EYS: variants seen among roughly 807,000 people sequenced by gnomAD.
EYS encodes EGF-like photoreceptor maintenance factor.
A neutral mutation model predicts 282.1 loss-of-function variants in EYS; 250 were observed. The ratio of observed to expected loss-of-function variants is 0.89; its 90% CI spans 0.80 to 0.98. EYS has a LOEUF of 0.98. EYS is among the 50% of genes least tolerant of loss of function. EYS has a pLI of 0.00. For synonymous variants in EYS, 1,355 were observed against 1,282.9 expected (o/e 1.06, Z -1.20); for missense variants, 4,016 against 3,709.0 (o/e 1.08, Z -2.15).
intron 12 of EYS, among the ~76,000 whole-genome samples, chr6:65,081,950 A>G (rs1353025435): frequency 6.6e-6 from 1 of 152,086 alleles, no homozygotes; most frequent in African/African-American, 2.4e-5. Flanking sequence ...ATGCTAAGCT[A>G]TCAGCACTGT....
At position 65,464,421 on chromosome 6, in the gene EYS, T is replaced by G. The variant is rs138926093; in HGVS notation, c.862+26173A>C. 3.9e-3 allele frequency among the ~76,000 whole-genome samples: 587 copies of G among 152,214 alleles called. 3 individuals carry two copies. Among genetic ancestry groups the G allele is most frequent in the Middle Eastern group, 6.8e-3 (2 of 294 alleles). Reference sequence around the variant, plus strand: ...CTGAGTTGTAGTGCATGATAAGATATCTCCCAAATTATGTCAAATATATCT... The same window carrying G: ...CTGAGTTGTAGTGCATGATAAGATAGCTCCCAAATTATGTCAAATATATCT... On this transcript the variant is annotated intron_variant, in intron 5 of 42. Transcript: ENST00000503581.
rs1271117885 is a variant in EYS at position 65,585,039 on chromosome 6, A to G, written c.-333+54739T>C. Among the ~76,000 whole-genome samples, 4 of 151,942 alleles carry G rather than the reference A, an allele frequency of 2.6e-5. No individual in the cohort carries two copies. The East Asian group carries it at 7.7e-4, about 29-fold the overall frequency. The stretch of plus-strand genomic sequence containing the variant: ...TCTGCAGGATATTTTACAAGATAAA[A>G]GTGTGGTCCATTGTTATTTGCTTTA... On this transcript the variant is annotated intron_variant, in intron 2 of 42. Coordinates refer to ENST00000503581, the MANE Select transcript of EYS (RefSeq NM_001142800.2).
intron 22 of EYS, among the ~76,000 whole-genome samples, chr6:64,771,840 T>C (rs1368387033): frequency 6.6e-6 from 1 of 151,832 alleles, no homozygotes; most frequent in Non-Finnish European, 1.5e-5. Context: ...CTGTATGCAA[T>C]GTTCTAAATG....
In EYS at chr6:64,815,157, C is replaced by G. The variant is rs1429534241; in HGVS notation, c.3244-1580G>C. 1.4e-5 allele frequency: 6 copies of G among 419,484 alleles called. No individual in the cohort carries two copies. The East Asian group carries it at 2.3e-4, about 16-fold the overall frequency. 26.0% of individuals were successfully genotyped at this position (419,484 alleles called of 1,614,324 possible). ...ATAGTGATCTTGTACACCCCCACCC[C>G]CTACAAGTGATAGAACTAAGTATGT... On this transcript the variant is annotated intron_variant, in intron 21 of 42. Coordinates refer to ENST00000503581, the MANE Select transcript of EYS (RefSeq NM_001142800.2).
At chr6:65,690,002 C>T (rs1000701343) in intron 1 of EYS, among the ~76,000 whole-genome samples, 4 of 149,506 alleles carry the variant, frequency 2.7e-5, no homozygotes, top group Non-Finnish European at 4.4e-5. Context: ...TTAGTGAGGG[C>T]GCGGGTAGGT....
At chr6:65,154,804 T>G (rs2150217581) in intron 12 of EYS, among the ~76,000 whole-genome samples, 1 of 151,706 alleles carries the variant, frequency 6.6e-6, no homozygotes, top group South Asian at 2.1e-4. Context: ...GATATGTAAT[T>G]ATACTGATAG....
intron 35 of EYS, among the ~76,000 whole-genome samples, chr6:63,878,616 G>T (rs1443543574): frequency 1.3e-5 from 2 of 152,208 alleles, no homozygotes; most frequent in Non-Finnish European, 2.9e-5. Flanking sequence ...GAACTGCGGT[G>T]GGCTCCACCC....
Position 65,369,029 on chromosome 6 carries a change from C to T in EYS, c.1299+15357G>A, listed in dbSNP as rs567949642. ...ATCTGGGATCCTACCTCTTTCTCCC[C>T]GTTTTCTTAAAAATGAAGTGGAGCA... is the stretch of plus-strand genomic sequence containing the variant. On this transcript the variant is annotated intron_variant, in intron 8 of 42. Coordinates refer to ENST00000503581, the MANE Select transcript of EYS (RefSeq NM_001142800.2). Among the ~76,000 whole-genome samples, 17 of 151,112 alleles carry T rather than the reference C, an allele frequency of 1.1e-4. No homozygotes were observed. In the South Asian group the frequency reaches 2.3e-3, roughly 20 times the overall value.
chr6:63,961,710 C>T (rs1456055737), intron 35 of EYS, among the ~76,000 whole-genome samples: 1 of 152,082 alleles, frequency 6.6e-6, no homozygotes, highest in Non-Finnish European at 1.5e-5. Flanking sequence ...AGGGGAAGGA[C>T]ACTAATCCCA....
intron 35 of EYS, among the ~76,000 whole-genome samples, chr6:63,923,421 A>T (rs1764627219): frequency 6.6e-6 from 1 of 152,220 alleles, no homozygotes; most frequent in African/African-American, 2.4e-5. Context: ...TGGATAGTAA[A>T]GGTCATTAAA....
chr6:63,735,791 G>C (rs1411875177), intron 41 of EYS, among the ~76,000 whole-genome samples: 3 of 151,970 alleles, frequency 2.0e-5, no homozygotes, highest in Non-Finnish European at 2.9e-5. Flanking sequence ...ACATTTAGTT[G>C]TCATGTCTCT....
chr6:64,826,557 T>A (rs1765063014), intron 19 of EYS, among the ~76,000 whole-genome samples: 1 of 151,528 alleles, frequency 6.6e-6, no homozygotes, highest in Non-Finnish European at 1.5e-5. Context: ...AATTACACAA[T>A]CCTTTTAGAA....
chr6:63,888,736 C>CA (rs1175225258), intron 35 of EYS, among the ~76,000 whole-genome samples: 1 of 152,190 alleles, frequency 6.6e-6, no homozygotes, highest in Admixed American at 6.5e-5. Context: ...TCTTCTCCCC[C>CA]AAAGGATCAC....
chr6:63,882,113 CT>C (rs1435839454), intron 35 of EYS, among the ~76,000 whole-genome samples: 3 of 152,160 alleles, frequency 2.0e-5, no homozygotes, highest in Non-Finnish European at 4.4e-5. Flanking sequence ...TTATCTCTTT[CT>C]GAAAAGAACA....
At position 63,940,671 on chromosome 6, in the gene EYS, G is replaced by T. The variant is rs569716166; in HGVS notation, c.7055+43712C>A. On this transcript the variant is annotated intron_variant, in intron 35 of 42. Coordinates refer to ENST00000503581, the MANE Select transcript of EYS (RefSeq NM_001142800.2). Reference sequence around the variant, plus strand: ...GGAGAAAGGATATCTGCCTGAATACGTTTTTTTTTCCTCTTTTTTTTTTTA... The same window carrying T: ...GGAGAAAGGATATCTGCCTGAATACTTTTTTTTTTCCTCTTTTTTTTTTTA... 4.0e-5 allele frequency among the ~76,000 whole-genome samples: 6 copies of T among 148,986 alleles called. No individual in the cohort carries two copies. In the East Asian group the frequency reaches 1.2e-3, roughly 29 times the overall value.
chr6:64,252,161 T>C (rs989014594), intron 30 of EYS, among the ~76,000 whole-genome samples: 2 of 152,170 alleles, frequency 1.3e-5, no homozygotes, highest in African/African-American at 2.4e-5. Context: ...GTGCTTCAGA[T>C]GGGATTCATT....
intron 41 of EYS, among the ~76,000 whole-genome samples, chr6:63,745,567 A>G (rs942517769): frequency 1.6e-4 from 25 of 152,204 alleles, no homozygotes; most frequent in African/African-American, 5.5e-4. Flanking sequence ...TTTCAAGTAA[A>G]AGAGCAAAAT....
chr6:65,039,901 A>C (rs1197008886), intron 13 of EYS, among the ~76,000 whole-genome samples: 1 of 151,632 alleles, frequency 6.6e-6, no homozygotes, highest in Admixed American at 6.6e-5. Context: ...TAAATAAATA[A>C]AATAAATATT....
chr6:65,581,813 C>G (rs1375387145), intron 2 of EYS, among the ~76,000 whole-genome samples: 2 of 151,724 alleles, frequency 1.3e-5, no homozygotes, highest in African/African-American at 4.8e-5. Flanking sequence ...CAAGGTAAAT[C>G]CATTATATCT....
Sources: gnomAD v4.1 joint callset for allele counts (sites outside exome capture counted in the v4.1 genomes callset) on GRCh38, gnomAD v4.1.1 for gene constraint, MANE v1.5 for transcripts, NCBI Gene and HGNC (gene_info 2026-07-23, HGNC 2026-07-21) for gene names.